The following SRRM1 variants were observed in gnomAD, a reference collection of about 807,000 sequenced individuals.
The protein encoded by SRRM1 is serine/arginine repetitive matrix protein 1.
In SRRM1, 19 loss-of-function variants were observed where a neutral mutation model predicts 110.2. That is an observed-to-expected ratio of 0.17 (90% CI 0.12 to 0.25). The LOEUF (loss-of-function observed/expected upper bound fraction) is 0.25, where lower values mean the gene tolerates loss of function less well. Among genes scored for constraint, SRRM1 ranks in the 10% least tolerant of loss-of-function variants. The pLI is 1.00. For synonymous variants in SRRM1, 443 were observed against 414.9 expected (o/e 1.07, Z -0.82); for missense variants, 918 against 1,145.8 (o/e 0.80, Z 2.87).
Position 24,646,659 on chromosome 1 carries a change from T to A in SRRM1, c.112-8T>A, listed in dbSNP as rs1453146471. On this transcript the variant is annotated splice_polypyrimidine_tract_variant and splice_region_variant and intron_variant, in intron 2 of 16. Transcript: ENST00000323848. ...AAGTTGTACTTAATTGTTTCTATGT[T>A]TCATCAGGTGGACATGAGCAAAGTA... 6.3e-7 allele frequency: 1 copy of A among 1,577,418 alleles called. No homozygotes were observed. Among genetic ancestry groups the A allele is most frequent in the Admixed American group, 2.0e-5 (1 of 50,774 alleles).
At chr1:24,650,413 T>C (rs1192930970) in intron 5 of SRRM1, among the ~76,000 whole-genome samples, 3 of 152,264 alleles carry the variant, frequency 2.0e-5, no homozygotes. Context: ...TCACTTTTTC[T>C]TTCCATTTCC....
In SRRM1 at chr1:24,651,490, C is replaced by T; in HGVS notation, c.603C>T (p.Pro201=). The part of the protein sequence containing the change: ...RERKRSHSRS[P]RHRTKSRSPS... The stretch of plus-strand genomic sequence containing the variant: ...GAAAGCGCAGTCATTCTCGATCTCC[C>T]CGTCACAGAACCAAGAGCCGGAGTC... Residue 201 remains proline (P), a synonymous_variant, in exon 6 of 17, where the codon CCC becomes CCT. Transcript: ENST00000323848. 1 of 1,614,114 alleles carries T rather than the reference C, an allele frequency of 6.2e-7. No individual in the cohort carries two copies. The highest frequency in any genetic ancestry group is 8.5e-7 in the Non-Finnish European group (1 of 1,180,012).
chr1:24,657,649 TTAC>T (rs745481991), intron 9 of SRRM1, among the ~76,000 whole-genome samples: 1 of 152,188 alleles, frequency 6.6e-6, no homozygotes, highest in Non-Finnish European at 1.5e-5. Context: ...TTTGGGGAAC[TTAC>T]AGGTTAATTA....
Position 24,669,340 on chromosome 1 carries a change from T to A in SRRM1, c.1957T>A (p.Ser653Thr). ...QRSSPVTKRR[S>T]PSLSSKHRKG... ...AAGCTCCCCAGTCACCAAGAGACGT[T>A]CACCTTCATTATCATCCAAGCATAG... The change falls in exon 14 of 17, where the codon TCA becomes ACA. Residue 653 changes from serine to threonine, a missense_variant. Physicochemically the swap from Ser to Thr is moderately conservative, Grantham distance 58. Around this residue, in one of 5 missense-constraint regions of SRRM1, gnomAD observed 357 missense variants for 402.9 expected, o/e 0.89. Transcript: ENST00000323848. 6.2e-7 allele frequency: 1 copy of A among 1,614,110 alleles called. No homozygotes were observed. Among genetic ancestry groups the A allele is most frequent in the Non-Finnish European group, 8.5e-7 (1 of 1,180,020 alleles).
rs150997937 is a variant in SRRM1, at chr1:24,651,418, C to G, written c.531C>G (p.Ser177=). 7.7e-5 allele frequency: 125 copies of G among 1,613,544 alleles called. No homozygotes were observed. In the African/African-American group the frequency reaches 1.5e-3, roughly 20 times the overall value. The part of the protein sequence containing the change: ...ERSRSPRRRK[S]RSPSPRRRSS... ...ATTACTTTCATCCTAGACGCAAATC[C>G]AGATCTCCTTCCCCTAGAAGACGAT... The change falls in exon 6 of 17, where the codon TCC becomes TCG. Residue 177 remains serine (S), a synonymous_variant. Coordinates refer to ENST00000323848, the MANE Select transcript of SRRM1 (RefSeq NM_005839.4).
chr1:24,661,232 G>T, intron 10 of SRRM1, 78 bp from the exon 11 acceptor site: 1 of 977,178 alleles, frequency 1.0e-6, no homozygotes, highest in South Asian at 1.5e-5. Flanking sequence ...AGGTTTGAGA[G>T]ACTATTTTCC....
chr1:24,657,017 G>A (rs1353929248), intron 9 of SRRM1, among the ~76,000 whole-genome samples: 1 of 152,158 alleles, frequency 6.6e-6, no homozygotes, highest in Non-Finnish European at 1.5e-5. Context: ...AGGCAGTGTA[G>A]TCAGTCTCCC....
At position 24,657,543 on chromosome 1, in the gene SRRM1, T is replaced by G. The variant is rs545998441; in HGVS notation, c.1315+2414T>G. 2.6e-5 allele frequency among the ~76,000 whole-genome samples: 4 copies of G among 152,318 alleles called. No homozygotes were observed. The South Asian group carries it at 8.3e-4, about 32-fold the overall frequency. ...AACATCATTGAAATGTAATAGATATTACAGTTAATATTTTCCCTAGTGGCC... is the reference window on the plus strand; with the variant it reads ...AACATCATTGAAATGTAATAGATATGACAGTTAATATTTTCCCTAGTGGCC... On this transcript the variant is annotated intron_variant, in intron 9 of 16. Transcript: ENST00000323848.
intron 16 of SRRM1, 110 bp from the exon 17 acceptor site, chr1:24,672,072 C>T: frequency 1.2e-6 from 1 of 804,474 alleles, no homozygotes; most frequent in South Asian, 1.7e-5. Flanking sequence ...CCCTACCCCA[C>T]AACAGTCCCC....
chr1:24,649,057 C>G, intron 4 of SRRM1, 28 bp downstream of exon 4: 1 of 1,601,206 alleles, frequency 6.2e-7, no homozygotes. Flanking sequence ...TCTGTAATGT[C>G]GATTTGAGAG....
rs776834733 is a variant in SRRM1, at chr1:24,654,926, C to T, written c.1112C>T (p.Pro371Leu). 7 of 1,614,224 alleles carry T rather than the reference C, an allele frequency of 4.3e-6. No homozygotes were observed. In the Admixed American group the frequency reaches 6.7e-5, roughly 15 times the overall value. The change falls in exon 9 of 17, where the codon CCA becomes CTA. Residue 371 changes from proline (P) to leucine (L), a missense_variant. By Grantham distance (98) the Pro-to-Leu change is moderately conservative (BLOSUM62 -3). Around this residue, in one of 5 missense-constraint regions of SRRM1, gnomAD observed 456 missense variants for 453.5 expected, o/e 1.01. Coordinates refer to ENST00000323848, the MANE Select transcript of SRRM1 (RefSeq NM_005839.4). ...TCTTCATCTCGTTCACGGTCACCACCAAAGAAGCCTCCCAAGAGGACATCC... is the reference window on the plus strand; with the variant it reads ...TCTTCATCTCGTTCACGGTCACCACTAAAGAAGCCTCCCAAGAGGACATCC... ...SSSSSRSRSPPKKPPKRTSSP... is the reference protein window; with the variant it reads ...SSSSSRSRSPLKKPPKRTSSP...
At chr1:24,652,851 A>T in intron 7 of SRRM1, 62 bp from the exon 8 acceptor site, 1 of 1,536,008 alleles carries the variant, frequency 6.5e-7, no homozygotes, top group Non-Finnish European at 8.7e-7. Flanking sequence ...CATTGAGAAA[A>T]CTAAGCCAAG....
At position 24,661,321 on chromosome 1, in the gene SRRM1, G is replaced by C; in HGVS notation, c.1408G>C (p.Gly470Arg). ...VELSESEEDKGGKMAAADSVQ... is the reference protein window; with the variant it reads ...VELSESEEDKRGKMAAADSVQ... ...CATCCATCTTTCAGAAGAAGATAAA[G>C]GTGGCAAAATGGCTGCAGCAGATTC... Residue 470 changes from glycine to arginine, a missense_variant, in exon 11 of 17, where the codon GGT becomes CGT. Physicochemically the swap from Gly to Arg is moderately radical, Grantham distance 125. This residue lies in a region of SRRM1 where 456 missense variants were observed against 453.5 expected (regional missense o/e 1.01). Transcript: ENST00000323848. 5 of 1,612,234 alleles carry C rather than the reference G, an allele frequency of 3.1e-6. No homozygotes were observed. Among genetic ancestry groups the C allele is most frequent in the Non-Finnish European group, 4.2e-6 (5 of 1,178,870 alleles).
At position 24,669,464 on chromosome 1, in the gene SRRM1, C is replaced by T. The variant is rs1671660772; in HGVS notation, c.2081C>T (p.Ser694Phe). 3.1e-6 allele frequency: 5 copies of T among 1,614,032 alleles called. No homozygotes were observed. Among genetic ancestry groups the T allele is most frequent in the Non-Finnish European group, 4.2e-6 (5 of 1,179,944 alleles). ...CCACGGCCTCGAGCTCCTCAGACCT[C>T]CTCAAGTCCTCCACCCGTTCGAAGA... ...PSPRPRAPQT[S>F]SSPPPVRRGA... Residue 694 changes from serine to phenylalanine, a missense_variant, in exon 14 of 17, where the codon TCC becomes TTC. This residue lies in a region of SRRM1 where 357 missense variants were observed against 402.9 expected (regional missense o/e 0.89). Coordinates refer to ENST00000323848, the MANE Select transcript of SRRM1 (RefSeq NM_005839.4).
intron 6 of SRRM1, 79 bp from the exon 7 acceptor site, chr1:24,652,355 T>C: frequency 9.6e-7 from 1 of 1,040,702 alleles, no homozygotes; most frequent in Non-Finnish European, 1.4e-6. Context: ...TAGAAATACT[T>C]TATTACATCA....
At chr1:24,668,813 A>C (rs144235821) in intron 13 of SRRM1, among the ~76,000 whole-genome samples, 196 of 152,332 alleles carry the variant, frequency 1.3e-3, no homozygotes, top group African/African-American at 4.2e-3. Context: ...TTTTCAAAAA[A>C]CGTTAATTTT....
chr1:24,655,763 G>A (rs377073860), intron 9 of SRRM1, among the ~76,000 whole-genome samples: 3 of 152,080 alleles, frequency 2.0e-5, no homozygotes, highest in Non-Finnish European at 2.9e-5. Flanking sequence ...CATTAAATAC[G>A]CATGGAAAAA....
chr1:24,649,824 A>T, intron 4 of SRRM1, 147 bp from the exon 5 acceptor site: 1 of 547,762 alleles, frequency 1.8e-6, no homozygotes, highest in Non-Finnish European at 3.1e-6. Context: ...GCGTATCTGT[A>T]GTGTAGGTGA....
rs61473449 is a variant in SRRM1 at position 24,668,695 on chromosome 1, C to T, written c.1740-428C>T. Among the ~76,000 whole-genome samples the T allele has an allele frequency of 3.0e-4, 45 of 152,230 alleles. 3 individuals are homozygous for T. The East Asian group carries it at 7.9e-3, about 27-fold the overall frequency. On this transcript the variant is annotated intron_variant, in intron 13 of 16. Coordinates refer to ENST00000323848, the MANE Select transcript of SRRM1 (RefSeq NM_005839.4). ...TCAGAGAGGATACCACATAGGAGAC[C>T]TCTTTAAAGTGCAGACTTCCTAAGG...
Sources: allele counts gnomAD v4.1 joint callset (sites outside exome capture counted in the v4.1 genomes callset), GRCh38; gene constraint gnomAD v4.1.1; regional missense constraint gnomAD v4.1.1; transcripts MANE v1.5; gene names NCBI Gene and HGNC (gene_info 2026-07-23, HGNC 2026-07-21).